Variants in KSR2 observed in about 807,000 individuals in gnomAD.
KSR2 encodes the protein kinase suppressor of ras 2.
KSR2 carries 25 observed loss-of-function variants against 107.8 expected under a neutral mutation model. The ratio of observed to expected loss-of-function variants is 0.23; its 90% confidence interval spans 0.17 to 0.32. KSR2 has a LOEUF of 0.32. Ranked by LOEUF, KSR2 falls within the 10% of genes least tolerant of loss-of-function variation. The pLI, the probability that KSR2 is intolerant of heterozygous loss-of-function variation, is 1.00. For missense variants in KSR2, 887 were observed against 1,268.9 expected, an observed-to-expected ratio of 0.70 and a Z score of 4.57; for synonymous variants, 480 against 507.0, an observed-to-expected ratio of 0.95 and a Z score of 0.71.
intron 14 of KSR2, among the ~76,000 whole-genome samples, chr12:117,514,784 G>C (rs1042589942): frequency 5.9e-5 from 9 of 152,036 alleles, no homozygotes; most frequent in African/African-American, 2.2e-4. Context: ...CTGGGCTCAA[G>C]AGATCTTCCC....
At chr12:117,780,572 T>C (rs1263754096) in intron 3 of KSR2, among the ~76,000 whole-genome samples, 2 of 152,170 alleles carry the variant, frequency 1.3e-5, no homozygotes, top group African/African-American at 4.8e-5. Flanking sequence ...TTAATGGCCA[T>C]GGAGTTTCTG....
intron 1 of KSR2, among the ~76,000 whole-genome samples, chr12:117,885,821 C>T (rs1225894013): frequency 6.6e-6 from 1 of 151,898 alleles, no homozygotes; most frequent in Non-Finnish European, 1.5e-5. Context: ...CCTGGCCGGG[C>T]GCGGTGGCTC....
chr12:117,860,311 C>T lies in KSR2; in HGVS notation c.301G>A (p.Val101Met), dbSNP rs1326100849. 1.2e-6 allele frequency: 2 copies of T among 1,613,634 alleles called. No individual in the cohort carries two copies. The highest frequency in any genetic ancestry group is 2.2e-5 in the South Asian group (2 of 91,076). Residue 101 changes from valine to methionine, a missense_variant, in exon 2 of 20, where the codon GTG (valine) becomes ATG (methionine). By Grantham distance (21) the Val-to-Met change is conservative. This residue lies in a region of KSR2 where 399 missense variants were observed against 479.5 expected (regional missense o/e 0.83). Coordinates refer to ENST00000339824, the MANE Select transcript of KSR2 (RefSeq NM_173598.6). ...GTCACCTCCAGGACCTCCTTGCGCA[C>T]ATCGACGATTCGGAACCAGTGCCGT... ...QLRHWFRIVD[V>M]RKEVLEEISP...
At chr12:117,592,108 G>A (rs539133293) in intron 5 of KSR2, among the ~76,000 whole-genome samples, 5 of 150,618 alleles carry the variant, frequency 3.3e-5, no homozygotes, top group Non-Finnish European at 4.4e-5. Context: ...CCTCAAAATC[G>A]CTTTCCCCCC....
intron 3 of KSR2, among the ~76,000 whole-genome samples, chr12:117,776,130 T>C (rs1380789458): frequency 6.6e-6 from 1 of 152,118 alleles, no homozygotes; most frequent in African/African-American, 2.4e-5. Flanking sequence ...TCCACCCATC[T>C]AGAAAGTTCC....
intron 1 of KSR2, among the ~76,000 whole-genome samples, chr12:117,871,703 T>A (rs924617746): frequency 8.8e-5 from 8 of 91,408 alleles, no homozygotes; most frequent in African/African-American, 4.1e-4. Flanking sequence ...GATAGATATA[T>A]ATATTTGCAC....
rs1434392779 is a variant in KSR2 at position 117,674,388 on chromosome 12, C to G, written c.987-6730G>C. 3 of 459,244 alleles carry G rather than the reference C, an allele frequency of 6.5e-6. No homozygotes were observed. The Admixed American group carries it at 7.0e-5, about 11-fold the overall frequency. The allele number at this position is 459,244 out of a possible 1,614,324, so 28.4% of individuals were successfully genotyped here. On this transcript the variant is annotated intron_variant, in intron 4 of 19. Transcript: ENST00000339824. ...TGAAATTCACAGAACGTAAAATTCA[C>G]CATTTTAAATTGAATAACTCTGTAG...
At chr12:117,742,255 T>C (rs1363220747) in intron 4 of KSR2, among the ~76,000 whole-genome samples, 1 of 152,238 alleles carries the variant, frequency 6.6e-6, no homozygotes, top group East Asian at 1.9e-4. Context: ...CATTGCATGA[T>C]GCGGATTTTT....
intron 1 of KSR2, among the ~76,000 whole-genome samples, chr12:117,947,217 G>GA (rs755508037): frequency 0.037 from 3,372 of 91,620 alleles, 71 homozygotes; most frequent in Non-Finnish European, 0.048. Flanking sequence ...AAGAAAGAAA[G>GA]AAAGAAAGAA....
intron 3 of KSR2, among the ~76,000 whole-genome samples, chr12:117,849,553 A>C (rs1892840157): frequency 6.6e-6 from 1 of 152,236 alleles, no homozygotes; most frequent in South Asian, 2.1e-4. Flanking sequence ...TGATCTAACA[A>C]GCTATGAGAA....
At chr12:117,484,379 GT>G (rs753866292) in intron 16 of KSR2, 36 bp downstream of exon 16, 1 of 1,610,810 alleles carries the variant, frequency 6.2e-7, no homozygotes, top group African/African-American at 1.3e-5. Flanking sequence ...ACCATCATCT[GT>G]CAGGAAACTC....
intron 14 of KSR2, among the ~76,000 whole-genome samples, chr12:117,491,338 C>A (rs1872733006): frequency 6.6e-6 from 1 of 152,098 alleles, no homozygotes; most frequent in Admixed American, 6.6e-5. Context: ...TACCACCACG[C>A]CTGGCTAATT....
At chr12:117,520,473 G>A (rs905756931) in intron 14 of KSR2, among the ~76,000 whole-genome samples, 1 of 152,154 alleles carries the variant, frequency 6.6e-6, no homozygotes, top group Non-Finnish European at 1.5e-5. Context: ...TGTCAGAACA[G>A]CAACCCTAAT....
intron 5 of KSR2, among the ~76,000 whole-genome samples, chr12:117,657,831 A>G (rs779652838): frequency 2.0e-4 from 31 of 152,366 alleles, no homozygotes; most frequent in Middle Eastern, 6.8e-3. Flanking sequence ...CATGCCAGGC[A>G]CAGTGATGAA....
rs191544225 is a variant in KSR2 at position 117,939,572 on chromosome 12, C to T, written c.180+28504G>A. Among the ~76,000 whole-genome samples, 510 of 152,074 alleles carry T rather than the reference C, an allele frequency of 3.4e-3. 3 individuals carry two copies. Among genetic ancestry groups the T allele is most frequent in the African/African-American group, 0.012 (487 of 41,488 alleles). On this transcript the variant is annotated intron_variant, in intron 1 of 19. Transcript: ENST00000339824. ...CTAAAAATACAAAAAATTAGCTGGG[C>T]GTGGTGGCGGACGCCTGTAATCTCA... is the stretch of plus-strand genomic sequence containing the variant.
intron 12 of KSR2, among the ~76,000 whole-genome samples, chr12:117,528,237 T>C (rs1875360277): frequency 2.6e-5 from 4 of 152,128 alleles, no homozygotes; most frequent in Admixed American, 2.0e-4. Context: ...GTCAAATGCA[T>C]GTGACATTTG....
At chr12:117,791,719 G>A (rs1014708721) in intron 3 of KSR2, among the ~76,000 whole-genome samples, 13 of 152,120 alleles carry the variant, frequency 8.5e-5, no homozygotes, top group Admixed American at 1.3e-4. Flanking sequence ...ATGGGACATG[G>A]TGATGAGTGA....
intron 14 of KSR2, among the ~76,000 whole-genome samples, chr12:117,502,050 C>T (rs187683366): frequency 9.7e-4 from 148 of 152,326 alleles, no homozygotes; most frequent in African/African-American, 3.5e-3. Context: ...TGTCACCACA[C>T]AAGGAATCAC....
intron 3 of KSR2, among the ~76,000 whole-genome samples, chr12:117,795,930 T>C (rs1393501507): frequency 6.6e-6 from 1 of 152,112 alleles, no homozygotes; most frequent in East Asian, 1.9e-4. Flanking sequence ...GTTGTTGTTA[T>C]TGTTGTTGTT....
Sources: allele counts gnomAD v4.1 joint callset (sites outside exome capture counted in the v4.1 genomes callset), GRCh38; gene constraint gnomAD v4.1.1; regional missense constraint gnomAD v4.1.1; transcripts MANE v1.5; gene names NCBI Gene and HGNC (gene_info 2026-07-23, HGNC 2026-07-21).